Variants in PRIM2 observed in about 807,000 individuals in gnomAD.
PRIM2 encodes the protein DNA primase subunit 2.
A neutral mutation model predicts 67.3 loss-of-function variants in PRIM2; 39 were observed. The ratio of observed to expected loss-of-function variants is 0.58; its 90% CI spans 0.45 to 0.76. PRIM2 has a LOEUF of 0.76. PRIM2 is among the 30% of genes least tolerant of loss of function. The probability of loss-of-function intolerance (pLI) is 0.00; values close to 1 mark genes in which losing one functional copy is unlikely to be tolerated. For missense variants in PRIM2, 398 were observed against 598.7 expected (o/e 0.66, Z 3.50); for synonymous variants, 143 against 198.7 (o/e 0.72, Z 2.36).
At chr6:57,516,392 T>C (rs1554348273) in intron 8 of PRIM2, among the ~76,000 whole-genome samples, 7 of 152,210 alleles carry the variant, frequency 4.6e-5, no homozygotes, top group African/African-American at 9.7e-5. Flanking sequence ...CAATTTTACA[T>C]GTAAGTCACC....
At chr6:57,358,451 T>G (rs1408127811) in intron 5 of PRIM2, among the ~76,000 whole-genome samples, 2 of 152,156 alleles carry the variant, frequency 1.3e-5, no homozygotes, top group East Asian at 3.9e-4. Context: ...TCAAAATCCT[T>G]CAAGAAGGTT....
the PRIM2 span, among the ~76,000 whole-genome samples, chr6:57,259,932 C>T: frequency 6.6e-6 from 1 of 152,210 alleles, no homozygotes; most frequent in Non-Finnish European, 1.5e-5. Context: ...TTCAAGACAT[C>T]TCTGAAGAGC....
Position 57,382,105 on chromosome 6 carries a change from A to T in PRIM2, c.630A>T (p.Pro210=). The T allele has an allele frequency of 6.2e-7, 1 of 1,613,340 alleles. No individual in the cohort carries two copies. Among genetic ancestry groups the T allele is most frequent in the African/African-American group, 1.3e-5 (1 of 75,030 alleles). ...TGGAAGATGGCTTTGCTTACGTACC[A>T]CTTAAGGACATTGTGGCAATCATCC... ...VYLEDGFAYV[P]LKDIVAIILN... Residue 210 remains proline, a synonymous_variant, in exon 7 of 14, where the codon CCA becomes CCT. Coordinates refer to ENST00000615550, the MANE Select transcript of PRIM2 (RefSeq NM_000947.5).
upstream of PRIM2, among the ~76,000 whole-genome samples, chr6:57,316,624 T>G (rs541385226): frequency 5.3e-5 from 8 of 152,230 alleles, no homozygotes; most frequent in East Asian, 1.5e-3. Context: ...TCATTTGATC[T>G]CCTAAGGACT....
At chr6:57,314,326 C>T (rs568855114), upstream of PRIM2, among the ~76,000 whole-genome samples, 119 of 152,246 alleles carry the variant, frequency 7.8e-4, no homozygotes, top group African/African-American at 1.9e-3. Flanking sequence ...ACCAGCCTGG[C>T]CAACGTGGTG....
At chr6:57,351,294 A>G (rs1454955677) in intron 5 of PRIM2, among the ~76,000 whole-genome samples, 1 of 152,026 alleles carries the variant, frequency 6.6e-6, no homozygotes, top group African/African-American at 2.4e-5. Flanking sequence ...TTGATGCTCA[A>G]AAAGTTTTAG....
chr6:57,478,893 T>A (rs1277271503), intron 7 of PRIM2, among the ~76,000 whole-genome samples: 3 of 152,222 alleles, frequency 2.0e-5, no homozygotes, highest in African/African-American at 7.2e-5. Flanking sequence ...ACGCCTGTAA[T>A]CCCAGCACTT....
chr6:57,524,571 C>A (rs1554349187), intron 8 of PRIM2, among the ~76,000 whole-genome samples: 1 of 151,994 alleles, frequency 6.6e-6, no homozygotes, highest in Non-Finnish European at 1.5e-5. Flanking sequence ...CATGGTGGCA[C>A]GTGCATGTAA....
chr6:57,587,581 G>A (rs1234690557), intron 10 of PRIM2, among the ~76,000 whole-genome samples: 37 of 139,196 alleles, frequency 2.7e-4, no homozygotes, highest in South Asian at 4.5e-4. Flanking sequence ...GGAGAAAGGC[G>A]TGAACTCGGG....
At chr6:57,556,465 A>G (rs1192411598) in intron 10 of PRIM2, among the ~76,000 whole-genome samples, 1 of 152,202 alleles carries the variant, frequency 6.6e-6, no homozygotes, top group East Asian at 1.9e-4. Flanking sequence ...AACAGAATAG[A>G]AAGCCCAGAA....
intron 13 of PRIM2, among the ~76,000 whole-genome samples, chr6:57,645,537 A>G (rs1190837985): frequency 1.4e-4 from 21 of 150,888 alleles, no homozygotes; most frequent in African/African-American, 5.1e-4. Context: ...GGTGTCTAGT[A>G]TGCCCCAAGG....
At chr6:57,512,166 T>A (rs1554347781) in intron 8 of PRIM2, among the ~76,000 whole-genome samples, 6 of 152,118 alleles carry the variant, frequency 3.9e-5, no homozygotes. Context: ...GTCCAAGTCT[T>A]ATGAGGATTT....
chr6:57,245,682 T>C, the PRIM2 span, among the ~76,000 whole-genome samples: 1 of 152,190 alleles, frequency 6.6e-6, no homozygotes, highest in African/African-American at 2.4e-5. Flanking sequence ...TCAGAAATAC[T>C]TCCTCTTCTC....
intron 10 of PRIM2, among the ~76,000 whole-genome samples, chr6:57,597,626 T>C (rs1255144683): frequency 6.6e-6 from 1 of 152,178 alleles, no homozygotes; most frequent in Non-Finnish European, 1.5e-5. Context: ...ATTAGGATAA[T>C]TGAGGATTGA....
chr6:57,577,989 T>C (rs1266721826), intron 10 of PRIM2, among the ~76,000 whole-genome samples: 1 of 152,200 alleles, frequency 6.6e-6, no homozygotes, highest in Non-Finnish European at 1.5e-5. Context: ...AGTTCTCATG[T>C]CTCCTAATCT....
intron 8 of PRIM2, among the ~76,000 whole-genome samples, chr6:57,530,091 A>G (rs1247206084): frequency 6.6e-6 from 1 of 152,170 alleles, no homozygotes; most frequent in Non-Finnish European, 1.5e-5. Context: ...CCACCTCTCA[A>G]TACTGCCACA....
the PRIM2 span, among the ~76,000 whole-genome samples, chr6:57,275,437 C>A: frequency 6.6e-6 from 1 of 152,096 alleles, no homozygotes; most frequent in East Asian, 1.9e-4. Context: ...TGCAGTGAGC[C>A]AAGATCGTGC....
chr6:57,329,844 A>T (rs1446924628), intron 5 of PRIM2, among the ~76,000 whole-genome samples: 1 of 152,202 alleles, frequency 6.6e-6, no homozygotes, highest in Non-Finnish European at 1.5e-5. Flanking sequence ...TCTTAATTTT[A>T]TTCCATTGAT....
At position 57,324,281 on chromosome 6, in the gene PRIM2, G is replaced by C; in HGVS notation, c.338+1G>C. On this transcript the variant is annotated splice_donor_variant, in intron 4 of 13. Transcript: ENST00000615550. LOFTEE classifies it high-confidence loss of function. Reference sequence around the variant, plus strand: ...TTTTGCGGCTTGCTTATTGCCAGTCGTAAGTATATGTTTATATTCTCACAG... The same window carrying C: ...TTTTGCGGCTTGCTTATTGCCAGTCCTAAGTATATGTTTATATTCTCACAG... 2 of 1,563,490 alleles carry C rather than the reference G, an allele frequency of 1.3e-6. No individual in the cohort carries two copies. The highest frequency in any genetic ancestry group is 3.5e-5 in the Admixed American group (2 of 56,994).
Sources: allele counts gnomAD v4.1 joint callset (sites outside exome capture counted in the v4.1 genomes callset), GRCh38; gene constraint gnomAD v4.1.1; transcripts MANE v1.5; gene names NCBI Gene and HGNC (gene_info 2026-07-23, HGNC 2026-07-21).